The following CTSH variants were observed in gnomAD, a reference collection of about 807,000 sequenced individuals.
CTSH encodes pro-cathepsin H.
A neutral mutation model predicts 56.3 loss-of-function variants in CTSH; 52 were observed. The observed-to-expected ratio is 0.92, with a 90% confidence interval of 0.74 to 1.16. The LOEUF (loss-of-function observed/expected upper bound fraction) is 1.16, where lower values mean the gene tolerates loss of function less well. Among genes scored for constraint, CTSH ranks in the 50% most tolerant of loss-of-function variants. The probability of loss-of-function intolerance (pLI) is 0.00; values close to 1 mark genes in which losing one functional copy is unlikely to be tolerated. For missense variants in CTSH, 406 were observed against 424.5 expected, an observed-to-expected ratio of 0.96 and a Z score of 0.38; for synonymous variants, 174 against 155.7, an observed-to-expected ratio of 1.12 and a Z score of -0.88.
rs150204104 is a variant in CTSH at position 78,923,061 on chromosome 15, A to G, written c.864T>C (p.Tyr288=). ...AGTAAGGGATCCCATTTTTTTCTCC[A>G]TACCCAACAGCCAGTACTGCATGGT... is the stretch of plus-strand genomic sequence containing the variant. The part of the protein sequence containing the change: ...KVNHAVLAVG[Y]GEKNGIPYWI... Residue 288 remains tyrosine, a synonymous_variant, in exon 11 of 12, where the codon TAT becomes TAC. Transcript: ENST00000220166. 18 of 1,612,688 alleles carry G rather than the reference A, an allele frequency of 1.1e-5. 1 individual carries two copies. In the African/African-American group the frequency reaches 1.2e-4, roughly 11 times the overall value.
At position 78,923,134 on chromosome 15, in the gene CTSH, C is replaced by CT; in HGVS notation, c.807-17_807-16insA. ...GCAGGAAGTACTGGAAAACAAAATTCAAAAAGAGGTGATCATATGGGAAGG... is the reference window on the plus strand; with the variant it reads ...GCAGGAAGTACTGGAAAACAAAATTCTAAAAAGAGGTGATCATATGGGAAGG... On this transcript the variant is annotated splice_polypyrimidine_tract_variant and intron_variant, in intron 10 of 11. Coordinates refer to ENST00000220166, the MANE Select transcript of CTSH (RefSeq NM_004390.5). 1 of 1,608,700 alleles carries CT rather than the reference C, an allele frequency of 6.2e-7. No individual in the cohort carries two copies. The highest frequency in any genetic ancestry group is 8.5e-7 in the Non-Finnish European group (1 of 1,178,566).
intron 10 of CTSH, among the ~76,000 whole-genome samples, chr15:78,924,129 A>AGGGG: frequency 2.0e-5 from 1 of 50,648 alleles, no homozygotes; most frequent in Non-Finnish European, 4.2e-5. Flanking sequence ...AGGGTGGGTC[A>AGGGG]GGGAAGGCTC....
chr15:78,936,180 CTTTTTTTTT>C (rs66819363), intron 3 of CTSH, among the ~76,000 whole-genome samples: 16 of 90,866 alleles, frequency 1.8e-4, no homozygotes, highest in African/African-American at 5.3e-4. Context: ...CTTTTCTTTT[CTTTTTTTTT>C]TTTTTTTTTT....
rs75171405 is a variant in CTSH, at chr15:78,927,389, T to C, written c.699+324A>G. ...TCACCCTCCTCAGTTTCACACACGCTGTGTCAAGCACGTGCTCATACCCTC... is the reference window on the plus strand; with the variant it reads ...TCACCCTCCTCAGTTTCACACACGCCGTGTCAAGCACGTGCTCATACCCTC... On this transcript the variant is annotated intron_variant, in intron 9 of 11. Coordinates refer to ENST00000220166, the MANE Select transcript of CTSH (RefSeq NM_004390.5). 5.2e-5 allele frequency: 20 copies of C among 382,292 alleles called. No homozygotes were observed. In the East Asian group the frequency reaches 1.0e-3, roughly 19 times the overall value. 23.7% of individuals were successfully genotyped at this position (382,292 alleles called of 1,614,324 possible). A position where few individuals can be genotyped will look rare whatever the true frequency, so the allele number is the denominator to read the frequency against.
chr15:78,932,285 A>G (rs1185789346), intron 6 of CTSH, 87 bp downstream of exon 6: 4 of 1,230,678 alleles, frequency 3.3e-6, no homozygotes, highest in Admixed American at 3.7e-5. Context: ...CCCTTAGCCA[A>G]TGCTCCAGGG....
intron 2 of CTSH, among the ~76,000 whole-genome samples, chr15:78,938,259 C>G (rs1380353565): frequency 1.3e-5 from 2 of 152,084 alleles, no homozygotes; most frequent in East Asian, 3.8e-4. Flanking sequence ...ATCCCAGCTA[C>G]TCAGGAGGCT....
intron 7 of CTSH, among the ~76,000 whole-genome samples, chr15:78,930,787 C>G (rs892517203): frequency 1.3e-5 from 2 of 152,048 alleles, no homozygotes; most frequent in African/African-American, 4.8e-5. Flanking sequence ...GGGCTGGGGT[C>G]TGGGAGAGGG....
chr15:78,935,540 G>A, intron 4 of CTSH, 140 bp downstream of exon 4: 2 of 665,050 alleles, frequency 3.0e-6, no homozygotes, highest in Non-Finnish European at 5.1e-6. Context: ...GACTCTTCTG[G>A]TTCCCCCAAA....
At chr15:78,925,572 G>A (rs1392658596) in intron 9 of CTSH, 132 bp from the exon 10 acceptor site, 14 of 624,236 alleles carry the variant, frequency 2.2e-5, no homozygotes, top group Non-Finnish European at 3.8e-5. Context: ...GCTCCCCTGC[G>A]GCCTCTCTCC....
chr15:78,935,401 C>T (rs980362086), intron 4 of CTSH, among the ~76,000 whole-genome samples: 1 of 152,196 alleles, frequency 6.6e-6, no homozygotes, highest in Non-Finnish European at 1.5e-5. Flanking sequence ...TATACTTATG[C>T]TAAAGAATTA....
In CTSH at chr15:78,921,448, G is replaced by A. The variant is rs1466250180; in HGVS notation, c.*682C>T. 6.6e-6 allele frequency: 1 copy of A among 152,338 alleles called. No individual in the cohort carries two copies. Among genetic ancestry groups the A allele is most frequent in the Non-Finnish European group, 1.5e-5 (1 of 68,136 alleles). The allele number at this position is 152,338 out of a possible 1,614,324, so 9.4% of individuals were successfully genotyped here. On this transcript the variant is annotated 3_prime_UTR_variant, in exon 12 of 12. Coordinates refer to ENST00000220166, the MANE Select transcript of CTSH (RefSeq NM_004390.5). ...GGTGGGGGGCAGAGTCTGAGTAGGA[G>A]TAGGCAGCTGAGACTGGGGAGGCCA...
chr15:78,931,766 C>T, intron 6 of CTSH: 1 of 1,402,326 alleles, frequency 7.1e-7, no homozygotes, highest in Non-Finnish European at 9.3e-7. Context: ...CTGTTGGGTC[C>T]AAACCCCTGC....
rs745687624 is a variant in CTSH at position 78,932,419 on chromosome 15, C to A, written c.445G>T (p.Ala149Ser). The change falls in exon 6 of 12, where the codon GCC becomes TCC. Residue 149 changes from alanine to serine, a missense_variant. Physicochemically the swap from Ala to Ser is moderately conservative, Grantham distance 99. Coordinates refer to ENST00000220166, the MANE Select transcript of CTSH (RefSeq NM_004390.5). ...GCGATGGCGATCGCAGACTCCAGGG[C>A]CCCAGTGGTGGAGAAAGTCCAGCAA... The part of the protein sequence containing the change: ...GSCWTFSTTG[A>S]LESAIAIATG... 6 of 1,613,926 alleles carry A rather than the reference C, an allele frequency of 3.7e-6. No individual in the cohort carries two copies. Among genetic ancestry groups the A allele is most frequent in the Non-Finnish European group, 5.1e-6 (6 of 1,179,946 alleles).
intron 5 of CTSH, among the ~76,000 whole-genome samples, chr15:78,934,327 C>T (rs534370384): frequency 1.3e-5 from 2 of 152,352 alleles, no homozygotes; most frequent in South Asian, 4.1e-4. Flanking sequence ...GGTCGGCATC[C>T]TTCTGAAGAA....
chr15:78,935,803 G>A, intron 3 of CTSH, 53 bp from the exon 4 acceptor site: 5 of 1,334,080 alleles, frequency 3.7e-6, no homozygotes, highest in Non-Finnish European at 5.3e-6. Flanking sequence ...AATCACTAAT[G>A]AAGAAACAAG....
chr15:78,931,803 A>T (rs1009153537), intron 6 of CTSH: 21 of 1,344,682 alleles, frequency 1.6e-5, no homozygotes, highest in African/African-American at 1.2e-4. Context: ...TACGATGCAG[A>T]GTGTGGGGTC....
intron 2 of CTSH, among the ~76,000 whole-genome samples, chr15:78,938,010 C>G (rs1412203592): frequency 6.6e-6 from 1 of 152,186 alleles, no homozygotes; most frequent in Admixed American, 6.5e-5. Context: ...TTTGGAAATA[C>G]AAAATAATGA....
intron 1 of CTSH, 67 bp from the exon 2 acceptor site, chr15:78,939,238 G>A: frequency 1.5e-6 from 2 of 1,340,914 alleles, no homozygotes; most frequent in African/African-American, 1.5e-5. Flanking sequence ...AGCAAAGTAG[G>A]GCACTTTAGA....
chr15:78,931,071 TC>T (rs2055048442), intron 7 of CTSH, among the ~76,000 whole-genome samples: 1 of 152,142 alleles, frequency 6.6e-6, no homozygotes, highest in African/African-American at 2.4e-5. Context: ...TTTAGTGAGT[TC>T]ATCTAAAGGC....
Sources: allele counts gnomAD v4.1 joint callset (sites outside exome capture counted in the v4.1 genomes callset), GRCh38; gene constraint gnomAD v4.1.1; transcripts MANE v1.5; gene names NCBI Gene and HGNC (gene_info 2026-07-23, HGNC 2026-07-21).